The following FGF11 variants were observed in gnomAD, a reference collection of about 807,000 sequenced individuals.
The protein encoded by FGF11 is fibroblast growth factor homologous factor 3.
Under a neutral mutation model 25.1 loss-of-function variants are expected in FGF11, and 25 were observed. The observed-to-expected ratio is 1.00, with a 90% confidence interval of 0.73 to 1.39. The LOEUF is 1.39. Ranked by LOEUF, FGF11 falls within the 40% of genes most tolerant of loss-of-function variation. The probability of loss-of-function intolerance (pLI) is 0.00; values close to 1 mark genes in which losing one functional copy is unlikely to be tolerated. For synonymous variants in FGF11, 130 were observed against 128.9 expected (o/e 1.01, Z -0.06); for missense variants, 320 against 311.0 (o/e 1.03, Z -0.22).
intron 3 of FGF11, 128 bp downstream of exon 3, chr17:7,442,007 G>C: frequency 2.9e-6 from 2 of 698,008 alleles, no homozygotes; most frequent in Non-Finnish European, 4.7e-6. Context: ...CAGCTTTGCT[G>C]ATGGCCTGTC....
rs2150833451 is a variant in FGF11 at position 7,440,496 on chromosome 17, C to G, written c.193+683C>G. 1 of 215,030 alleles carries G rather than the reference C, an allele frequency of 4.7e-6. No individual in the cohort carries two copies. The highest frequency in any genetic ancestry group is 8.0e-6 in the Non-Finnish European group (1 of 125,618). 13.3% of individuals were successfully genotyped at this position (215,030 alleles called of 1,614,324 possible). On this transcript the variant is annotated intron_variant, in intron 1 of 4. Coordinates refer to ENST00000293829, the MANE Select transcript of FGF11 (RefSeq NM_004112.4). This position sits in a 1 kb window ranked among gnomAD's most constrained non-coding sequence, Gnocchi z 5.4. ...CGCTGGCAGGAACTCAGACACAGTT[C>G]ACGGCTAGAGATGGGCGCCGACTCG... is the stretch of plus-strand genomic sequence containing the variant.
In FGF11 at chr17:7,444,476, T is replaced by C. The variant is rs1908496865; in HGVS notation, c.*1330T>C. 1 of 154,076 alleles carries C rather than the reference T, an allele frequency of 6.5e-6. No homozygotes were observed. Among genetic ancestry groups the C allele is most frequent in the Non-Finnish European group, 1.4e-5 (1 of 69,082 alleles). The allele number at this position is 154,076 out of a possible 1,614,324, so 9.5% of individuals were successfully genotyped here. On this transcript the variant is annotated 3_prime_UTR_variant, in exon 5 of 5. Transcript: ENST00000293829. Reference sequence around the variant, plus strand: ...CCCAATTCAGCAATAAGTCTCACCCTTCTCCCCTACAGGTCAGGCCAAGAA... The same window carrying C: ...CCCAATTCAGCAATAAGTCTCACCCCTCTCCCCTACAGGTCAGGCCAAGAA...
intron 3 of FGF11, 57 bp downstream of exon 3, chr17:7,441,936 G>T: frequency 1.5e-6 from 2 of 1,298,912 alleles, no homozygotes; most frequent in South Asian, 2.8e-5. Flanking sequence ...TCCTCAATTT[G>T]TCCCTTGAGG....
rs920542026 is a variant in FGF11 at position 7,444,136 on chromosome 17, A to T, written c.*990A>T. ...TTCTCTAAAAATATGATTCTTCCAT[A>T]TAGAATGCTAAGCTTATTTTTACAT... is the stretch of plus-strand genomic sequence containing the variant. On this transcript the variant is annotated 3_prime_UTR_variant, in exon 5 of 5. Transcript: ENST00000293829. 1 of 152,358 alleles carries T rather than the reference A, an allele frequency of 6.6e-6. No homozygotes were observed. The highest frequency in any genetic ancestry group is 1.5e-5 in the Non-Finnish European group (1 of 68,050). The allele number at this position is 152,358 out of a possible 1,614,324, so 9.4% of individuals were successfully genotyped here. A position where few individuals can be genotyped will look rare whatever the true frequency, so the allele number is the denominator to read the frequency against.
rs565956951 is a variant in FGF11, at chr17:7,440,795, G to A, written c.194-676G>A. The A allele has an allele frequency of 1.4e-4, 135 of 987,206 alleles. No individual in the cohort carries two copies. The African/African-American group carries it at 1.8e-3, about 13-fold the overall frequency. The allele number at this position is 987,206 out of a possible 1,614,324, so 61.2% of individuals were successfully genotyped here. ...CTCAGCCTGCCTCTCCATCTCCTCA[G>A]CTCCCACCCCCCATATCCTTGGTAA... is the stretch of plus-strand genomic sequence containing the variant. On this transcript the variant is annotated intron_variant, in intron 1 of 4. Transcript: ENST00000293829. The surrounding 1 kb of genome is among the most constrained non-coding windows in gnomAD (Gnocchi z 5.4).
In FGF11 at chr17:7,443,550, T is replaced by G. The variant is rs558388784; in HGVS notation, c.*404T>G. The G allele has an allele frequency of 1.1e-5, 2 of 179,128 alleles. No individual in the cohort carries two copies. Among genetic ancestry groups the G allele is most frequent in the Admixed American group, 5.6e-5 (1 of 18,000 alleles). The allele number at this position is 179,128 out of a possible 1,614,324, so 11.1% of individuals were successfully genotyped here. ...TCATTGCCACTGAGCCATTTCTAGA[T>G]TCACTGGAGCTCAGGATTCATGTGT... On this transcript the variant is annotated 3_prime_UTR_variant, in exon 5 of 5. Coordinates refer to ENST00000293829, the MANE Select transcript of FGF11 (RefSeq NM_004112.4).
At position 7,439,645 on chromosome 17, in the gene FGF11, A is replaced by T. The variant is rs1045972226; in HGVS notation, c.25A>T (p.Ile9Phe). The T allele has an allele frequency of 2.7e-6, 4 of 1,501,676 alleles. No homozygotes were observed. In the African/African-American group the frequency reaches 4.4e-5, roughly 16 times the overall value. The allele number at this position is 1,501,676 out of a possible 1,614,324, so 93.0% of individuals were successfully genotyped here. MAALASSL[I>F]RQKREVREPG... Reference sequence around the variant, plus strand: ...TATGGCGGCGCTGGCCAGTAGCCTGATCCGGCAGAAGCGGGAGGTCCGCGA... The same window carrying T: ...TATGGCGGCGCTGGCCAGTAGCCTGTTCCGGCAGAAGCGGGAGGTCCGCGA... The change falls in exon 1 of 5, where the codon ATC becomes TTC. Residue 9 changes from isoleucine to phenylalanine, a missense_variant. Coordinates refer to ENST00000293829, the MANE Select transcript of FGF11 (RefSeq NM_004112.4).
At chr17:7,441,266 T>G in intron 1 of FGF11, 2 of 594,048 alleles carry the variant, frequency 3.4e-6, no homozygotes, top group African/African-American at 1.9e-5. Context: ...AAGCTCCTGG[T>G]TATAGGAAAC....
chr17:7,442,926 C>A, intron 4 of FGF11, 134 bp downstream of exon 4: 2 of 1,222,544 alleles, frequency 1.6e-6, no homozygotes, highest in Non-Finnish European at 2.4e-6. Context: ...AAGGCTTTGC[C>A]CTTTGGGGGT....
intron 1 of FGF11, 29 bp from the exon 2 acceptor site, chr17:7,441,442 T>G: frequency 6.2e-7 from 1 of 1,613,510 alleles, no homozygotes; most frequent in Non-Finnish European, 8.5e-7. Flanking sequence ...GGAGATGTCA[T>G]TTTCAAAGAT....
rs1016242791 is a variant in FGF11 at position 7,443,938 on chromosome 17, A to G, written c.*792A>G. On this transcript the variant is annotated 3_prime_UTR_variant, in exon 5 of 5. Coordinates refer to ENST00000293829, the MANE Select transcript of FGF11 (RefSeq NM_004112.4). The stretch of plus-strand genomic sequence containing the variant: ...ATCATGACTCTCAGCCCTTTTACCC[A>G]GGATGGAGCTGGGGCCTGTATAGCC... The G allele has an allele frequency of 5.9e-5, 9 of 152,128 alleles. No individual in the cohort carries two copies. Among genetic ancestry groups the G allele is most frequent in the African/African-American group, 2.2e-4 (9 of 41,436 alleles). 9.4% of individuals were successfully genotyped at this position (152,128 alleles called of 1,614,324 possible). A position where few individuals can be genotyped will look rare whatever the true frequency, so the allele number is the denominator to read the frequency against.
At position 7,443,488 on chromosome 17, in the gene FGF11, C is replaced by G. The variant is rs891442501; in HGVS notation, c.*342C>G. The G allele has an allele frequency of 4.0e-6, 1 of 248,700 alleles. No individual in the cohort carries two copies. Among genetic ancestry groups the G allele is most frequent in the Admixed American group, 4.9e-5 (1 of 20,304 alleles). The allele number at this position is 248,700 out of a possible 1,614,324, so 15.4% of individuals were successfully genotyped here. ...CAGCCAGGGCATAAACACTTCCCAC[C>G]CCGGCTCAGCCAGTTCCTGGAGTCC... On this transcript the variant is annotated 3_prime_UTR_variant, in exon 5 of 5. Transcript: ENST00000293829.
chr17:7,443,426 C>A lies in FGF11; in HGVS notation c.*280C>A. The stretch of plus-strand genomic sequence containing the variant: ...CTTTCCACACTCACACAACGCCATG[C>A]CTTTTCCTGAGATGGCGCTGGGAGT... On this transcript the variant is annotated 3_prime_UTR_variant, in exon 5 of 5. Coordinates refer to ENST00000293829, the MANE Select transcript of FGF11 (RefSeq NM_004112.4). 5.4e-6 allele frequency: 2 copies of A among 367,462 alleles called. No individual in the cohort carries two copies. Among genetic ancestry groups the A allele is most frequent in the Non-Finnish European group, 9.8e-6 (2 of 203,378 alleles). 22.8% of individuals were successfully genotyped at this position (367,462 alleles called of 1,614,324 possible).
At position 7,442,690 on chromosome 17, in the gene FGF11, C is replaced by T. The variant is rs146590295; in HGVS notation, c.505C>T (p.Arg169Trp). The change falls in exon 4 of 5, where the codon CGG (arginine) becomes TGG (tryptophan). Residue 169 changes from arginine to tryptophan, a missense_variant. Arg to Trp is a moderately radical substitution (Grantham distance 101). Coordinates refer to ENST00000293829, the MANE Select transcript of FGF11 (RefSeq NM_004112.4). ...SALYRQRRSG[R>W]AWYLGLDKEG... Reference sequence around the variant, plus strand: ...TCTCTACCGCCAGCGTCGTTCTGGCCGGGCCTGGTACCTCGGCCTGGACAA... The same window carrying T: ...TCTCTACCGCCAGCGTCGTTCTGGCTGGGCCTGGTACCTCGGCCTGGACAA... The T allele has an allele frequency of 7.8e-5, 126 of 1,614,040 alleles. No individual in the cohort carries two copies. The highest frequency in any genetic ancestry group is 9.7e-5 in the Non-Finnish European group (115 of 1,180,040).
At chr17:7,442,498 A>AGAGGT in intron 3 of FGF11, 96 bp from the exon 4 acceptor site, 1 of 1,137,878 alleles carries the variant, frequency 8.8e-7, no homozygotes, top group Non-Finnish European at 1.2e-6. Context: ...CCTCCCCCAA[A>AGAGGT]AAGGATTTGT....
Position 7,443,242 on chromosome 17 carries a change from C to A in FGF11, c.*96C>A. On this transcript the variant is annotated 3_prime_UTR_variant, in exon 5 of 5. Coordinates refer to ENST00000293829, the MANE Select transcript of FGF11 (RefSeq NM_004112.4). ...TCCTGCTCTCACCCCTGCTGCCACA[C>A]ACATGCCCTGAGCAGCCAGGTCCCA... 1 of 789,198 alleles carries A rather than the reference C, an allele frequency of 1.3e-6. No individual in the cohort carries two copies. Among genetic ancestry groups the A allele is most frequent in the Non-Finnish European group, 2.1e-6 (1 of 480,428 alleles). The allele number at this position is 789,198 out of a possible 1,614,324, so 48.9% of individuals were successfully genotyped here.
chr17:7,442,220 TAC>T (rs1908361812), intron 3 of FGF11: 2 of 342,128 alleles, frequency 5.8e-6, no homozygotes, highest in Non-Finnish European at 1.1e-5. Context: ...AGACTGGGAG[TAC>T]AGTGGAGAGA....
At position 7,440,079 on chromosome 17, in the gene FGF11, C is replaced by G. The variant is rs1044714255; in HGVS notation, c.193+266C>G. ...AGCCTCGTAGTTCCTGCTCGTCCCCCCTTCCCAACACAGCAGTCCCCACCC... is the reference window on the plus strand; with the variant it reads ...AGCCTCGTAGTTCCTGCTCGTCCCCGCTTCCCAACACAGCAGTCCCCACCC... On this transcript the variant is annotated intron_variant, in intron 1 of 4. Transcript: ENST00000293829. This position sits in a 1 kb window ranked among gnomAD's most constrained non-coding sequence, Gnocchi z 5.4. The G allele has an allele frequency of 1.1e-5, 4 of 375,874 alleles. No homozygotes were observed. Among genetic ancestry groups the G allele is most frequent in the East Asian group, 3.9e-5 (1 of 25,738 alleles). 23.3% of individuals were successfully genotyped at this position (375,874 alleles called of 1,614,324 possible). A position where few individuals can be genotyped will look rare whatever the true frequency, so the allele number is the denominator to read the frequency against.
In FGF11 at chr17:7,441,425, T is replaced by C. The variant is rs1166412230; in HGVS notation, c.194-46T>C. 6 of 1,611,500 alleles carry C rather than the reference T, an allele frequency of 3.7e-6. No individual in the cohort carries two copies. The South Asian group carries it at 5.5e-5, about 15-fold the overall frequency. On this transcript the variant is annotated intron_variant, in intron 1 of 4. Transcript: ENST00000293829. Reference sequence around the variant, plus strand: ...ATCCTGCCAAGTGTAGGAATGTTTCTGGGAACGGAGATGTCATTTTCAAAG... The same window carrying C: ...ATCCTGCCAAGTGTAGGAATGTTTCCGGGAACGGAGATGTCATTTTCAAAG...
Sources: allele counts gnomAD v4.1 joint callset, GRCh38; gene constraint gnomAD v4.1.1; non-coding constraint Gnocchi (gnomAD v3.1); transcripts MANE v1.5; gene names NCBI Gene and HGNC (gene_info 2026-07-23, HGNC 2026-07-21).